XDH: variants seen among roughly 807,000 people sequenced by gnomAD.
XDH encodes xanthine dehydrogenase/oxidase.
Under a neutral mutation model 156.1 loss-of-function variants are expected in XDH, and 138 were observed. The ratio of observed to expected loss-of-function variants is 0.88; its 90% CI spans 0.77 to 1.02. The LOEUF (loss-of-function observed/expected upper bound fraction) is 1.02. Ranked by LOEUF, XDH falls within the 50% of genes least tolerant of loss-of-function variation. XDH has a pLI of 0.00. For missense variants in XDH, 1,849 were observed against 1,684.9 expected, an observed-to-expected ratio of 1.10 and a Z score of -1.71; for synonymous variants, 669 against 625.7, an observed-to-expected ratio of 1.07 and a Z score of -1.03.
rs1020265417 is a variant in XDH at position 31,334,460 on chromosome 2, C to T, written c.*1498G>A. On this transcript the variant is annotated 3_prime_UTR_variant, in exon 36 of 36. Coordinates refer to ENST00000379416, the MANE Select transcript of XDH (RefSeq NM_000379.4). ...ATACAGTGAAGGCATGTGACAGTGA[C>T]ACATTGTCCACCCAGCACCATGTAG... 2 of 152,160 alleles carry T rather than the reference C, an allele frequency of 1.3e-5. No individual in the cohort carries two copies. Among genetic ancestry groups the T allele is most frequent in the African/African-American group, 4.8e-5 (2 of 41,432 alleles). 9.4% of individuals were successfully genotyped at this position (152,160 alleles called of 1,614,324 possible).
chr2:31,346,844 C>T lies in XDH; in HGVS notation c.3277-1G>A. On this transcript the variant is annotated splice_acceptor_variant, in intron 29 of 35. Transcript: ENST00000379416. LOFTEE classifies it high-confidence loss of function. The stretch of plus-strand genomic sequence containing the variant: ...TTTTCAAGATGGTCTGACAAGCCGC[C>T]TAAAGTAAACACCCCCCACACCCCA... 1 of 1,613,994 alleles carries T rather than the reference C, an allele frequency of 6.2e-7. No individual in the cohort carries two copies. Among genetic ancestry groups the T allele is most frequent in the South Asian group, 1.1e-5 (1 of 91,072 alleles).
chr2:31,342,637 G>T (rs1052478052), intron 31 of XDH, among the ~76,000 whole-genome samples: 5 of 152,108 alleles, frequency 3.3e-5, no homozygotes, highest in Admixed American at 2.6e-4. Flanking sequence ...ACACTCCAAA[G>T]GATGTACTGA....
At chr2:31,363,369 G>A (rs867973038) in intron 24 of XDH, among the ~76,000 whole-genome samples, 3 of 152,110 alleles carry the variant, frequency 2.0e-5, no homozygotes, top group Non-Finnish European at 4.4e-5. Context: ...CTGAGAGAAA[G>A]ACACCAAACA....
At position 31,350,167 on chromosome 2, in the gene XDH, C is replaced by T. The variant is rs756823487; in HGVS notation, c.2688G>A (p.Arg896=). ...TGGTTTTGCACAGCCGCCCAGTGCCCCGGATGTTGGGGATTTTATAGCAGT... is the reference window on the plus strand; with the variant it reads ...TGGTTTTGCACAGCCGCCCAGTGCCTCGGATGTTGGGGATTTTATAGCAGT... ...MDNCYKIPNI[R]GTGRLCKTNL... is the part of the protein sequence containing the mutation. The change falls in exon 25 of 36, where the codon CGG becomes CGA. Residue 896 remains arginine (R), a synonymous_variant. Transcript: ENST00000379416. The T allele has an allele frequency of 1.2e-6, 2 of 1,614,112 alleles. No individual in the cohort carries two copies. The highest frequency in any genetic ancestry group is 4.5e-5 in the East Asian group (2 of 44,862).
At chr2:31,397,531 A>G in intron 6 of XDH, 137 bp downstream of exon 6, 2 of 1,074,098 alleles carry the variant, frequency 1.9e-6, no homozygotes, top group South Asian at 2.5e-5. Context: ...AGATGTCCCC[A>G]GAGGGAAGAC....
At position 31,383,747 on chromosome 2, in the gene XDH, C is replaced by T. The variant is rs1414881675; in HGVS notation, c.886+8G>A. On this transcript the variant is annotated splice_region_variant and intron_variant, in intron 10 of 35. Transcript: ENST00000379416. ...CCCTCCATAAGCTTGGAGTGAACCT[C>T]CTCTTACCGTCGGGTCCATGTTCTA... The T allele has an allele frequency of 7.4e-6, 12 of 1,613,100 alleles. No homozygotes were observed. The highest frequency in any genetic ancestry group is 9.3e-6 in the Non-Finnish European group (11 of 1,179,686).
intron 35 of XDH, among the ~76,000 whole-genome samples, 179 bp from the exon 36 acceptor site, chr2:31,336,187 T>C (rs1211576502): frequency 6.6e-6 from 1 of 152,244 alleles, no homozygotes; most frequent in Non-Finnish European, 1.5e-5. Context: ...AGCCATTCAT[T>C]TATTTTCACT....
At chr2:31,400,000 C>T (rs552741145) in intron 4 of XDH, among the ~76,000 whole-genome samples, 6 of 152,270 alleles carry the variant, frequency 3.9e-5, no homozygotes, top group South Asian at 2.1e-4. Flanking sequence ...AACCCTCTCA[C>T]GTCTCCTTCA....
In XDH at chr2:31,358,524, G is replaced by A. The variant is rs145101062; in HGVS notation, c.2631+5634C>T. Among the ~76,000 whole-genome samples the A allele has an allele frequency of 2.9e-3, 439 of 152,146 alleles. 3 individuals carry two copies. The highest frequency in any genetic ancestry group is 9.7e-3 in the African/African-American group (404 of 41,516). ...ATCCAAAAATCCTTAACAAATTTTA[G>A]CAAATAAAATTTGGCAATATATTAA... On this transcript the variant is annotated intron_variant, in intron 24 of 35. Transcript: ENST00000379416.
rs1412818554 is a variant in XDH at position 31,414,566 on chromosome 2, G to A, written c.42+59C>T. On this transcript the variant is annotated intron_variant, in intron 1 of 35. Transcript: ENST00000379416. ...GAGAACAAGATATGGCTCTGCCAGA[G>A]GACACATTTCCCCTCCCAGGGAGAA... 4 of 1,605,066 alleles carry A rather than the reference G, an allele frequency of 2.5e-6. No individual in the cohort carries two copies. In the East Asian group the frequency reaches 6.7e-5, roughly 27 times the overall value.
At chr2:31,364,102 A>G in intron 24 of XDH, 56 bp downstream of exon 24, 1 of 1,574,010 alleles carries the variant, frequency 6.4e-7, no homozygotes, top group South Asian at 1.1e-5. Flanking sequence ...CTGCGTGGGA[A>G]CAGGCTGACC....
intron 24 of XDH, among the ~76,000 whole-genome samples, chr2:31,359,114 C>A (rs1685706606): frequency 6.6e-6 from 1 of 152,042 alleles, no homozygotes. Flanking sequence ...ACTTCACACC[C>A]ACTAATTCTA....
rs530211189 is a variant in XDH at position 31,335,312 on chromosome 2, C to G, written c.*646G>C. ...AGGGAAAGAAATCTAGAACATTGTA[C>G]GTGCTCAATAATTGAGTTGGTTGGA... On this transcript the variant is annotated 3_prime_UTR_variant, in exon 36 of 36. Transcript: ENST00000379416. 1.3e-5 allele frequency: 2 copies of G among 155,266 alleles called. No homozygotes were observed. The highest frequency in any genetic ancestry group is 1.2e-4 in the Admixed American group (2 of 16,034). 9.6% of individuals were successfully genotyped at this position (155,266 alleles called of 1,614,324 possible).
At chr2:31,388,113 A>G (rs1686663482) in intron 7 of XDH, 114 bp downstream of exon 7, 1 of 1,252,442 alleles carries the variant, frequency 8.0e-7, no homozygotes, top group African/African-American at 1.5e-5. Context: ...GCCATCACCG[A>G]CTCACCGTAG....
At chr2:31,375,359 G>A in intron 15 of XDH, 21 bp downstream of exon 15, 1 of 1,614,078 alleles carries the variant, frequency 6.2e-7, no homozygotes. Context: ...GAGAGCCTGT[G>A]CCTGGCCAGG....
Position 31,337,526 on chromosome 2 carries a change from G to T in XDH, c.3951+115C>A, listed in dbSNP as rs1684996680. The T allele has an allele frequency of 2.0e-6, 3 of 1,500,050 alleles. No individual in the cohort carries two copies. In the Admixed American group the frequency reaches 5.1e-5, roughly 26 times the overall value. 92.9% of individuals were successfully genotyped at this position (1,500,050 alleles called of 1,614,324 possible). ...AATGAAGGGTGGCCATTGATGCAAG[G>T]CTGCCCGGTTAGGAGAGAGCCCAAC... is the stretch of plus-strand genomic sequence containing the variant. On this transcript the variant is annotated intron_variant, in intron 35 of 35. Transcript: ENST00000379416.
Position 31,364,150 on chromosome 2 carries a change from C to G in XDH, c.2631+8G>C, listed in dbSNP as rs763884622. 4 of 1,613,732 alleles carry G rather than the reference C, an allele frequency of 2.5e-6. No individual in the cohort carries two copies. The highest frequency in any genetic ancestry group is 3.4e-6 in the Non-Finnish European group (4 of 1,179,966). On this transcript the variant is annotated splice_region_variant and intron_variant, in intron 24 of 35. Transcript: ENST00000379416. ...CTGGGTGCAGGGGCGGCTGCAGGTC[C>G]TACTCACACTCTGAGAGAGATCCTG...
Position 31,398,565 on chromosome 2 carries a change from G to T in XDH, c.433+8C>A, listed in dbSNP as rs747013253. 6.2e-7 allele frequency: 1 copy of T among 1,613,914 alleles called. No individual in the cohort carries two copies. The highest frequency in any genetic ancestry group is 1.1e-5 in the South Asian group (1 of 91,076). The stretch of plus-strand genomic sequence containing the variant: ...TCCACCTCCTAGGCTGTGCCTGAAG[G>T]CCCATACCTTGGAAGGCATTCTCAA... On this transcript the variant is annotated splice_region_variant and intron_variant, in intron 5 of 35. Coordinates refer to ENST00000379416, the MANE Select transcript of XDH (RefSeq NM_000379.4).
intron 9 of XDH, among the ~76,000 whole-genome samples, chr2:31,384,882 C>T (rs1686542408): frequency 6.6e-6 from 1 of 152,162 alleles, no homozygotes; most frequent in Admixed American, 6.5e-5. Context: ...GTCTGCCTTC[C>T]CCCAACACTC....
Sources: gnomAD v4.1 joint callset for allele counts (sites outside exome capture counted in the v4.1 genomes callset) on GRCh38, gnomAD v4.1.1 for gene constraint, MANE v1.5 for transcripts, NCBI Gene and HGNC (gene_info 2026-07-23, HGNC 2026-07-21) for gene names.